SHISA9: variants seen among roughly 807,000 people sequenced by gnomAD.
SHISA9 encodes protein shisa-9.
SHISA9 carries 13 observed loss-of-function variants against 38.0 expected under a neutral mutation model. The observed-to-expected ratio is 0.34, with a 90% CI of 0.22 to 0.54. The LOEUF is 0.54. Ranked by LOEUF, SHISA9 falls within the 20% of genes least tolerant of loss-of-function variation. SHISA9 has a pLI of 0.91. For synonymous variants in SHISA9, 275 were observed against 242.0 expected (o/e 1.14, Z -1.27); for missense variants, 538 against 575.8 (o/e 0.93, Z 0.67).
intron 2 of SHISA9, among the ~76,000 whole-genome samples, chr16:13,042,997 C>T (rs1010200440): frequency 6.6e-6 from 1 of 152,144 alleles, no homozygotes; most frequent in African/African-American, 2.4e-5. Flanking sequence ...GTTTCAGGGG[C>T]TTAATACTAA....
chr16:13,229,551 A>C (rs1473706705), intron 4 of SHISA9, among the ~76,000 whole-genome samples: 2 of 152,166 alleles, frequency 1.3e-5, no homozygotes, highest in African/African-American at 4.8e-5. Flanking sequence ...CTTAGAAAAT[A>C]TATGTCTGGG....
At chr16:13,512,070 C>G in the SHISA9 span, among the ~76,000 whole-genome samples, 2 of 152,130 alleles carry the variant, frequency 1.3e-5, no homozygotes, top group East Asian at 3.9e-4. Context: ...TTAAGGCCTG[C>G]TCTGGTCTCC....
chr16:13,244,827 C>T (rs1001576228), downstream of SHISA9, among the ~76,000 whole-genome samples: 2 of 152,228 alleles, frequency 1.3e-5, no homozygotes, highest in Non-Finnish European at 2.9e-5. Context: ...CTATCTGCTA[C>T]ATTTGCGATG....
At chr16:13,481,503 C>T in the SHISA9 span, among the ~76,000 whole-genome samples, 1 of 152,156 alleles carries the variant, frequency 6.6e-6, no homozygotes, top group South Asian at 2.1e-4. Context: ...AGGTGCATCC[C>T]CTCTGCTTCC....
the SHISA9 span, among the ~76,000 whole-genome samples, chr16:13,499,716 C>A: frequency 1.4e-4 from 22 of 152,150 alleles, no homozygotes; most frequent in Non-Finnish European, 2.2e-4. Flanking sequence ...AGAATAAACT[C>A]TTTGATTTGG....
At chr16:13,187,483 C>T (rs1170563057) in intron 2 of SHISA9, among the ~76,000 whole-genome samples, 1 of 151,818 alleles carries the variant, frequency 6.6e-6, no homozygotes, top group African/African-American at 2.4e-5. Flanking sequence ...TACAGACGTG[C>T]ACCACCACAC....
At chr16:13,309,451 T>G in the SHISA9 span, among the ~76,000 whole-genome samples, 1 of 151,994 alleles carries the variant, frequency 6.6e-6, no homozygotes, top group Non-Finnish European at 1.5e-5. Flanking sequence ...GAGACCACCC[T>G]GGCCAATATG....
intron 4 of SHISA9, among the ~76,000 whole-genome samples, chr16:13,227,734 A>T (rs1018688300): frequency 6.6e-6 from 1 of 152,356 alleles, no homozygotes; most frequent in African/African-American, 2.4e-5. Context: ...TACCTTAAAC[A>T]ATAAAGCTTC....
the SHISA9 span, among the ~76,000 whole-genome samples, chr16:13,515,172 T>A: frequency 1.3e-5 from 2 of 152,084 alleles, no homozygotes; most frequent in Non-Finnish European, 2.9e-5. Flanking sequence ...AATGTTGTTG[T>A]GAAACTACAA....
intron 2 of SHISA9, among the ~76,000 whole-genome samples, chr16:13,102,423 C>G (rs770144292): frequency 5.5e-4 from 84 of 152,164 alleles, no homozygotes; most frequent in Non-Finnish European, 1.1e-3. Context: ...GTCCTTCTGT[C>G]CTCACCGCGT....
chr16:13,295,720 T>C, the SHISA9 span, among the ~76,000 whole-genome samples: 1 of 152,070 alleles, frequency 6.6e-6, no homozygotes, highest in Non-Finnish European at 1.5e-5. Context: ...AATTTGAGGA[T>C]TGGAGAAAGA....
intron 2 of SHISA9, among the ~76,000 whole-genome samples, chr16:13,017,543 A>G (rs1315641087): frequency 6.7e-6 from 1 of 150,240 alleles, no homozygotes; most frequent in Non-Finnish European, 1.5e-5. Context: ...ATTCTTTGAC[A>G]ATGATGATAT....
intron 2 of SHISA9, among the ~76,000 whole-genome samples, chr16:13,018,123 C>T (rs2072779610): frequency 6.6e-6 from 1 of 152,182 alleles, no homozygotes; most frequent in South Asian, 2.1e-4. Context: ...ACTTCTGGAG[C>T]CTTGACCAGG....
the SHISA9 span, among the ~76,000 whole-genome samples, chr16:13,297,838 C>T: frequency 6.6e-6 from 1 of 152,160 alleles, no homozygotes; most frequent in Non-Finnish European, 1.5e-5. Context: ...CTCACTGCAA[C>T]CTCTACCTCC....
chr16:13,507,628 T>G, the SHISA9 span, among the ~76,000 whole-genome samples: 1 of 152,154 alleles, frequency 6.6e-6, no homozygotes, highest in African/African-American at 2.4e-5. Context: ...CTGCAATTAG[T>G]GCCAAAACTC....
the SHISA9 span, among the ~76,000 whole-genome samples, chr16:13,561,622 G>C: frequency 6.6e-6 from 1 of 152,220 alleles, no homozygotes; most frequent in Non-Finnish European, 1.5e-5. Flanking sequence ...GAATAGCGAG[G>C]TGTGGGGAGC....
intron 2 of SHISA9, among the ~76,000 whole-genome samples, chr16:13,017,740 CAGCTTCAAAGCACT>C (rs1312338084): frequency 1.3e-4 from 20 of 152,300 alleles, no homozygotes; most frequent in African/African-American, 4.8e-4. Context: ...CAAGGCCCCT[CAGCTTCAAAGCACT>C]GGGGACAGAG....
chr16:13,343,453 A>G, the SHISA9 span, among the ~76,000 whole-genome samples: 1 of 152,094 alleles, frequency 6.6e-6, no homozygotes, highest in Non-Finnish European at 1.5e-5. Flanking sequence ...GCTAATCACC[A>G]TGTGGTGTGG....
chr16:13,117,269 C>G (rs1250760553), intron 2 of SHISA9, among the ~76,000 whole-genome samples: 2 of 152,186 alleles, frequency 1.3e-5, no homozygotes. Flanking sequence ...GCCACTGTGC[C>G]TCGCCTATTT....
Sources: allele counts gnomAD v4.1 joint callset (sites outside exome capture counted in the v4.1 genomes callset), GRCh38; gene constraint gnomAD v4.1.1; transcripts MANE v1.5; gene names NCBI Gene and HGNC (gene_info 2026-07-23, HGNC 2026-07-21).